Variants in GRIK1 observed in about 807,000 individuals in gnomAD.
GRIK1 encodes the protein glutamate receptor ionotropic, kainate 1.
Under a neutral mutation model 105.7 loss-of-function variants are expected in GRIK1, and 69 were observed. That is an observed-to-expected ratio of 0.65 (90% confidence interval 0.54 to 0.80). GRIK1 has a LOEUF of 0.80. Ranked by LOEUF, GRIK1 falls within the 30% of genes least tolerant of loss-of-function variation. The pLI is 0.00. For synonymous variants in GRIK1, 438 were observed against 431.3 expected, an observed-to-expected ratio of 1.02 and a Z score of -0.19; for missense variants, 1,109 against 1,167.3, an observed-to-expected ratio of 0.95 and a Z score of 0.73.
intron 7 of GRIK1, chr21:29,601,210 ACT>A (rs762664936): frequency 1.2e-5 from 6 of 509,046 alleles, no homozygotes; most frequent in East Asian, 5.5e-5. Context: ...GAGAGCATTT[ACT>A]CTCTGCCTGA....
intron 1 of GRIK1, among the ~76,000 whole-genome samples, chr21:29,772,294 C>T (rs1000594156): frequency 3.9e-5 from 6 of 152,046 alleles, no homozygotes; most frequent in Admixed American, 1.3e-4. Flanking sequence ...GTGTTTGCTG[C>T]CCTTTTTGAG....
At chr21:29,672,884 A>G in intron 4 of GRIK1, 99 bp downstream of exon 4, 1 of 812,056 alleles carries the variant, frequency 1.2e-6, no homozygotes, top group Middle Eastern at 2.4e-4. Context: ...GGACTGCTGC[A>G]GTTTTATTAT....
intron 12 of GRIK1, among the ~76,000 whole-genome samples, chr21:29,584,308 A>G (rs1192534818): frequency 6.6e-6 from 1 of 151,470 alleles, no homozygotes; most frequent in Non-Finnish European, 1.5e-5. Context: ...GGTTTTCTAG[A>G]TTTTTTTTTG....
rs73345457 is a variant in GRIK1, at chr21:29,886,047, G to A, written c.118+53336C>T. On this transcript the variant is annotated intron_variant, in intron 1 of 17. Coordinates refer to ENST00000327783, the MANE Select transcript of GRIK1 (RefSeq NM_001330994.2). ...AACACTCTTCCTATAGATTTAGAAT[G>A]TGTTATTGCCAATGTTTCAGGCTGA... Among the ~76,000 whole-genome samples, 1,100 of 152,186 alleles carry A rather than the reference G, an allele frequency of 7.2e-3. 20 individuals carry two copies. Among genetic ancestry groups the A allele is most frequent in the African/African-American group, 0.026 (1,064 of 41,558 alleles).
At chr21:29,846,479 A>G (rs941164174) in intron 1 of GRIK1, among the ~76,000 whole-genome samples, 2 of 132,848 alleles carry the variant, frequency 1.5e-5, no homozygotes, top group Admixed American at 1.7e-4. Context: ...GAAAGAAAGA[A>G]AGAAAGAAAG....
chr21:29,829,171 A>G (rs988762963), intron 1 of GRIK1, among the ~76,000 whole-genome samples: 3 of 152,166 alleles, frequency 2.0e-5, no homozygotes, highest in Non-Finnish European at 2.9e-5. Flanking sequence ...AACGGCATGC[A>G]TTAGTAAATA....
chr21:29,723,909 G>A (rs746641479), intron 1 of GRIK1, among the ~76,000 whole-genome samples: 2 of 152,136 alleles, frequency 1.3e-5, no homozygotes, highest in Non-Finnish European at 2.9e-5. Context: ...TTTCACTGAT[G>A]TGTAAATTCA....
chr21:29,824,323 C>T (rs2067386398), intron 1 of GRIK1, among the ~76,000 whole-genome samples: 1 of 151,884 alleles, frequency 6.6e-6, no homozygotes, highest in Non-Finnish European at 1.5e-5. Flanking sequence ...GTGAGTGTCT[C>T]CCACACCTCC....
At chr21:29,823,185 G>A (rs1386362045) in intron 1 of GRIK1, among the ~76,000 whole-genome samples, 4 of 151,850 alleles carry the variant, frequency 2.6e-5, no homozygotes, top group African/African-American at 9.7e-5. Context: ...TAGAATATGT[G>A]TATTTAAATA....
chr21:29,775,207 C>T (rs2065911786), intron 1 of GRIK1, among the ~76,000 whole-genome samples: 1 of 144,442 alleles, frequency 6.9e-6, no homozygotes, highest in South Asian at 2.2e-4. Flanking sequence ...ACTCAGGAGG[C>T]TGAGGTTGCA....
At chr21:29,867,819 T>A (rs28708731) in intron 1 of GRIK1, among the ~76,000 whole-genome samples, 507 of 45,432 alleles carry the variant, frequency 0.011, 3 homozygotes, top group East Asian at 0.031. Flanking sequence ...AAAGAAAGAA[T>A]GAAAGAAAGA....
intron 1 of GRIK1, among the ~76,000 whole-genome samples, chr21:29,704,644 G>C (rs2063871083): frequency 6.6e-6 from 1 of 152,190 alleles, no homozygotes; most frequent in East Asian, 1.9e-4. Flanking sequence ...TCTGCCAAGA[G>C]AGAGGCCTTT....
intron 1 of GRIK1, among the ~76,000 whole-genome samples, chr21:29,913,475 C>T (rs1412441838): frequency 6.6e-6 from 1 of 151,860 alleles, no homozygotes; most frequent in Admixed American, 6.6e-5. Context: ...ATGCTGTTTC[C>T]AGATCTAGTC....
intron 4 of GRIK1, among the ~76,000 whole-genome samples, chr21:29,671,430 C>A (rs1284011988): frequency 6.7e-6 from 1 of 149,300 alleles, no homozygotes; most frequent in Non-Finnish European, 1.5e-5. Flanking sequence ...TTACTCTAAT[C>A]ATCCAGCACA....
intron 1 of GRIK1, among the ~76,000 whole-genome samples, chr21:29,821,142 C>G (rs1163180675): frequency 1.3e-5 from 2 of 151,754 alleles, no homozygotes; most frequent in African/African-American, 4.8e-5. Context: ...AGGCCTTGCC[C>G]ATAATATAAA....
chr21:29,579,002 A>G (rs1212675234), intron 13 of GRIK1, among the ~76,000 whole-genome samples: 1 of 152,174 alleles, frequency 6.6e-6, no homozygotes, highest in Non-Finnish European at 1.5e-5. Context: ...TGAAAACATA[A>G]GGTTTTCACT....
chr21:29,692,639 T>A (rs1035541214), intron 2 of GRIK1, among the ~76,000 whole-genome samples: 2 of 151,936 alleles, frequency 1.3e-5, no homozygotes, highest in African/African-American at 4.8e-5. Context: ...AGTGGTGCAA[T>A]CTTGGCTTAC....
At chr21:29,573,393 G>C (rs1013460056) in intron 14 of GRIK1, among the ~76,000 whole-genome samples, 2 of 152,180 alleles carry the variant, frequency 1.3e-5, no homozygotes, top group Non-Finnish European at 1.5e-5. Context: ...CAGGAAAAAG[G>C]AGAACCCGCT....
intron 1 of GRIK1, among the ~76,000 whole-genome samples, chr21:29,751,387 T>C (rs1320128831): frequency 1.3e-5 from 2 of 152,316 alleles, no homozygotes; most frequent in Admixed American, 6.5e-5. Flanking sequence ...TTAGCTTACC[T>C]CCCTTTCATC....
Sources: gnomAD v4.1 joint callset for allele counts (sites outside exome capture counted in the v4.1 genomes callset) on GRCh38, gnomAD v4.1.1 for gene constraint, MANE v1.5 for transcripts, NCBI Gene and HGNC (gene_info 2026-07-23, HGNC 2026-07-21) for gene names.